GPR149: variants seen among roughly 807,000 people sequenced by gnomAD.
The protein encoded by GPR149 is G protein-coupled receptor 149.
GPR149 carries 50 observed loss-of-function variants against 50.2 expected under a neutral mutation model. That is an observed-to-expected ratio of 1.00 (90% CI 0.79 to 1.26). GPR149 has a LOEUF of 1.26. GPR149 is among the 50% of genes most tolerant of loss of function. The pLI, the probability that GPR149 is intolerant of heterozygous loss-of-function variation, is 0.00. For missense variants in GPR149, 983 were observed against 895.4 expected, an observed-to-expected ratio of 1.10 and a Z score of -1.25; for synonymous variants, 405 against 358.2, an observed-to-expected ratio of 1.13 and a Z score of -1.48.
At chr3:154,338,369 A>G (rs1713707472) in intron 3 of GPR149, 98 bp from the exon 4 acceptor site, 1 of 960,816 alleles carries the variant, frequency 1.0e-6, no homozygotes, top group Non-Finnish European at 1.5e-6. Context: ...AAGGTTTTCT[A>G]TTTCAGATCC....
At chr3:154,403,895 C>T (rs960041491) in intron 3 of GPR149, among the ~76,000 whole-genome samples, 1 of 152,168 alleles carries the variant, frequency 6.6e-6, no homozygotes, top group African/African-American at 2.4e-5. Flanking sequence ...ACAGTAGTCA[C>T]CAGCCACATC....
At chr3:154,414,359 T>G (rs964068814) in intron 3 of GPR149, among the ~76,000 whole-genome samples, 5 of 152,002 alleles carry the variant, frequency 3.3e-5, no homozygotes, top group Admixed American at 1.3e-4. Flanking sequence ...TCAGGAATCA[T>G]GTATAAAAAT....
chr3:154,357,139 C>A (rs536202052), intron 3 of GPR149, among the ~76,000 whole-genome samples: 1 of 152,244 alleles, frequency 6.6e-6, no homozygotes, highest in African/African-American at 2.4e-5. Flanking sequence ...ATGTAGAAAG[C>A]TGAAACTGGA....
intron 3 of GPR149, chr3:154,352,987 G>A (rs1714119933): frequency 3.6e-6 from 4 of 1,115,306 alleles, no homozygotes; most frequent in South Asian, 1.2e-5. Context: ...TGCAAACTAT[G>A]GGCAGCCACA....
chr3:154,335,930 T>C lies in GPR149; in HGVS notation c.*1769A>G, dbSNP rs1300152699. 1 of 152,248 alleles carries C rather than the reference T, an allele frequency of 6.6e-6. No homozygotes were observed. Among genetic ancestry groups the C allele is most frequent in the Admixed American group, 6.5e-5 (1 of 15,296 alleles). 9.4% of individuals were successfully genotyped at this position (152,248 alleles called of 1,614,324 possible). A position where few individuals can be genotyped will look rare whatever the true frequency, so the allele number is the denominator to read the frequency against. On this transcript the variant is annotated 3_prime_UTR_variant, in exon 4 of 4. Coordinates refer to ENST00000389740, the MANE Select transcript of GPR149 (RefSeq NM_001038705.3). ...GTTTAAGATATCAAAGCCTATCTTC[T>C]ACAAAGCATTATGAGAATATTCAAT...
At chr3:154,363,092 C>A (rs1229219146) in intron 3 of GPR149, among the ~76,000 whole-genome samples, 2 of 152,092 alleles carry the variant, frequency 1.3e-5, no homozygotes, top group Non-Finnish European at 2.9e-5. Context: ...GAAACTGAAG[C>A]AAATAGTTCA....
chr3:154,341,320 T>TATAC (rs1397977941), intron 3 of GPR149, among the ~76,000 whole-genome samples: 1 of 75,932 alleles, frequency 1.3e-5, no homozygotes, highest in Non-Finnish European at 2.8e-5. Context: ...TATATATATA[T>TATAC]ATATATATAT....
intron 3 of GPR149, among the ~76,000 whole-genome samples, chr3:154,346,295 T>A (rs1176113621): frequency 6.6e-6 from 1 of 152,198 alleles, no homozygotes; most frequent in Non-Finnish European, 1.5e-5. Flanking sequence ...AAAAGTAGAT[T>A]TTTAATAATT....
At chr3:154,339,779 CTTTTTTTT>C (rs71152802) in intron 3 of GPR149, among the ~76,000 whole-genome samples, 1 of 68,306 alleles carries the variant, frequency 1.5e-5, no homozygotes, top group Admixed American at 2.2e-4. Flanking sequence ...TGCTCTACTT[CTTTTTTTT>C]TTTTTTTTTT....
intron 3 of GPR149, among the ~76,000 whole-genome samples, chr3:154,339,169 A>C (rs970318121): frequency 2.0e-5 from 3 of 152,198 alleles, no homozygotes; most frequent in African/African-American, 7.2e-5. Flanking sequence ...CCAACCCAGC[A>C]TCGTCAGCAG....
chr3:154,350,678 A>T (rs922724394), intron 3 of GPR149, among the ~76,000 whole-genome samples: 1 of 152,196 alleles, frequency 6.6e-6, no homozygotes, highest in African/African-American at 2.4e-5. Flanking sequence ...ACAGTTATAG[A>T]CAAGATCATT....
intron 3 of GPR149, among the ~76,000 whole-genome samples, chr3:154,351,313 C>CAAAAAAAAAAAA (rs71155003): frequency 5.3e-5 from 4 of 75,528 alleles, no homozygotes; most frequent in Non-Finnish European, 7.1e-5. Context: ...CATCCACATA[C>CAAAAAAAAAAAA]AAAAAAAAAA....
intron 3 of GPR149, among the ~76,000 whole-genome samples, chr3:154,369,632 C>T (rs559253798): frequency 1.3e-5 from 2 of 152,356 alleles, no homozygotes; most frequent in South Asian, 4.1e-4. Context: ...GGACTATGTC[C>T]CTTACAAGGA....
At chr3:154,420,640 A>G (rs912864510) in intron 3 of GPR149, among the ~76,000 whole-genome samples, 1 of 151,990 alleles carries the variant, frequency 6.6e-6, no homozygotes, top group Non-Finnish European at 1.5e-5. Flanking sequence ...TTGCCTTTAC[A>G]TGAAAAAATA....
intron 3 of GPR149, among the ~76,000 whole-genome samples, chr3:154,355,184 G>A (rs1480495288): frequency 6.6e-6 from 1 of 152,018 alleles, no homozygotes; most frequent in Non-Finnish European, 1.5e-5. Context: ...CGTGCCACCA[G>A]GCCCAGCTAA....
At chr3:154,415,369 A>G (rs945428913) in intron 3 of GPR149, among the ~76,000 whole-genome samples, 1 of 151,990 alleles carries the variant, frequency 6.6e-6, no homozygotes, top group Non-Finnish European at 1.5e-5. Context: ...TGCTGTGAAG[A>G]TCACAAAATG....
intron 3 of GPR149, among the ~76,000 whole-genome samples, chr3:154,411,768 A>C (rs1160354613): frequency 6.6e-6 from 1 of 152,100 alleles, no homozygotes; most frequent in Non-Finnish European, 1.5e-5. Flanking sequence ...TCTATCAGAT[A>C]TCCAAAGAAA....
rs1229741746 is a variant in GPR149, at chr3:154,357,104, A to G, written c.1624-18833T>C. On this transcript the variant is annotated intron_variant, in intron 3 of 3. Transcript: ENST00000389740. Reference sequence around the variant, plus strand: ...GGAAAGGATTCCCTATTTAATAAATAGTGCTGGGAAAACTGGCTAGCCCTA... The same window carrying G: ...GGAAAGGATTCCCTATTTAATAAATGGTGCTGGGAAAACTGGCTAGCCCTA... Among the ~76,000 whole-genome samples the G allele has an allele frequency of 1.4e-4, 21 of 152,212 alleles. No homozygotes were observed. The East Asian group carries it at 3.3e-3, about 24-fold the overall frequency.
chr3:154,397,415 GT>G lies in GPR149; in HGVS notation c.1623+23623del, dbSNP rs1715319943. On this transcript the variant is annotated intron_variant, in intron 3 of 3. Transcript: ENST00000389740. ...TGGATTATGTCAGGAGTGTGCTAGAGTTGGCTCAAACTGGCTCATGCAATTT... is the reference window on the plus strand; with the variant it reads ...TGGATTATGTCAGGAGTGTGCTAGAGTGGCTCAAACTGGCTCATGCAATTT... 1.3e-5 allele frequency among the ~76,000 whole-genome samples: 2 copies of G among 152,152 alleles called. 1 individual carries two copies. The highest frequency in any genetic ancestry group is 4.1e-4 in the South Asian group (2 of 4,836).
Sources: gnomAD v4.1 joint callset for allele counts (sites outside exome capture counted in the v4.1 genomes callset) on GRCh38, gnomAD v4.1.1 for gene constraint, MANE v1.5 for transcripts, NCBI Gene and HGNC (gene_info 2026-07-23, HGNC 2026-07-21) for gene names.